The following GMDS variants were observed in gnomAD, a reference collection of about 807,000 sequenced individuals.
The protein encoded by GMDS is GDP-mannose 4,6-dehydratase.
In GMDS, 20 loss-of-function variants were observed where a neutral mutation model predicts 49.9. The ratio of observed to expected loss-of-function variants is 0.40; its 90% CI spans 0.28 to 0.58. The LOEUF is 0.58. GMDS is among the 20% of genes least tolerant of loss of function. The probability of loss-of-function intolerance (pLI) is 0.42; values close to 1 mark genes in which losing one functional copy is unlikely to be tolerated. For synonymous variants in GMDS, 177 were observed against 178.6 expected (o/e 0.99, Z 0.07); for missense variants, 362 against 481.4 (o/e 0.75, Z 2.32).
At chr6:1,687,042 A>G (rs138856804) in intron 9 of GMDS, among the ~76,000 whole-genome samples, 339 of 152,332 alleles carry the variant, frequency 2.2e-3, no homozygotes, top group Non-Finnish European at 4.0e-3. Context: ...TAAAATCACA[A>G]GTAGGACTGG....
chr6:1,946,150 A>G (rs1763066387), intron 6 of GMDS, among the ~76,000 whole-genome samples: 1 of 152,194 alleles, frequency 6.6e-6, no homozygotes, highest in African/African-American at 2.4e-5. Context: ...AGAAGCAACA[A>G]AAAGTCAAAC....
chr6:1,994,227 A>G (rs1766136963), intron 4 of GMDS, among the ~76,000 whole-genome samples: 1 of 152,166 alleles, frequency 6.6e-6, no homozygotes, highest in Non-Finnish European at 1.5e-5. Flanking sequence ...CATTTAGAAT[A>G]TTTTATCAAC....
chr6:2,189,494 C>G (rs2127567753), intron 1 of GMDS, among the ~76,000 whole-genome samples: 1 of 152,256 alleles, frequency 6.6e-6, no homozygotes, highest in Middle Eastern at 3.4e-3. Flanking sequence ...CTGTCCTCCC[C>G]CAAAAGTCCC....
chr6:1,938,613 G>C (rs1269028735), intron 6 of GMDS, among the ~76,000 whole-genome samples: 6 of 151,856 alleles, frequency 4.0e-5, no homozygotes, highest in Non-Finnish European at 8.8e-5. Flanking sequence ...TGTTTTCTTT[G>C]GTATTCTGGG....
intron 4 of GMDS, among the ~76,000 whole-genome samples, chr6:2,107,796 C>A (rs1188434711): frequency 6.6e-6 from 1 of 152,224 alleles, no homozygotes; most frequent in Non-Finnish European, 1.5e-5. Flanking sequence ...TTCTTCTAGA[C>A]ACAAAAGGCA....
rs533231228 is a variant in GMDS, at chr6:1,806,096, T to C, written c.772-63510A>G. On this transcript the variant is annotated intron_variant, in intron 7 of 10. Transcript: ENST00000380815. ...GAGTTTGAGTCCAGCCTGGGCAACA[T>C]AGTGAGACCCTGTCTCTAAAAAAGG... Among the ~76,000 whole-genome samples the C allele has an allele frequency of 2.6e-4, 40 of 152,096 alleles. 1 individual carries two copies. Among genetic ancestry groups the C allele is most frequent in the Admixed American group, 2.3e-3 (35 of 15,284 alleles).
intron 9 of GMDS, among the ~76,000 whole-genome samples, chr6:1,665,235 C>G (rs897600349): frequency 6.6e-6 from 1 of 152,214 alleles, no homozygotes; most frequent in Non-Finnish European, 1.5e-5. Flanking sequence ...TCTCCTAATG[C>G]TATCTCTCCC....
chr6:1,643,593 G>A (rs957478941), intron 9 of GMDS, among the ~76,000 whole-genome samples: 1 of 152,160 alleles, frequency 6.6e-6, no homozygotes, highest in African/African-American at 2.4e-5. Context: ...GACAGCGGAA[G>A]TTCAGAATCA....
rs146707312 is a variant in GMDS at position 2,033,921 on chromosome 6, G to C, written c.346-72955C>G. On this transcript the variant is annotated intron_variant, in intron 4 of 10. Transcript: ENST00000380815. The stretch of plus-strand genomic sequence containing the variant: ...TGGAATCAGATCCGAAGGAGACTGT[G>C]TACCAGTCCGGAGGCATATAAAAGA... Among the ~76,000 whole-genome samples the C allele has an allele frequency of 9.2e-5, 14 of 152,246 alleles. No homozygotes were observed. In the East Asian group the frequency reaches 2.3e-3, roughly 25 times the overall value.
intron 4 of GMDS, among the ~76,000 whole-genome samples, chr6:1,992,046 A>G (rs866826606): frequency 6.6e-6 from 1 of 152,358 alleles, no homozygotes; most frequent in Non-Finnish European, 1.5e-5. Context: ...CCCTGCTGAC[A>G]CCTTAGTTTT....
intron 10 of GMDS, 79 bp downstream of exon 10, chr6:1,624,393 C>T: frequency 1.4e-6 from 2 of 1,396,096 alleles, no homozygotes; most frequent in Non-Finnish European, 2.0e-6. Context: ...GCAGGCGCCT[C>T]AGGCGCCCGA....
At chr6:1,665,443 C>G (rs1300438699) in intron 9 of GMDS, among the ~76,000 whole-genome samples, 1 of 152,060 alleles carries the variant, frequency 6.6e-6, no homozygotes, top group Non-Finnish European at 1.5e-5. Flanking sequence ...AATGGGCCAG[C>G]CTAAGAATCG....
chr6:1,697,818 G>A (rs1046326208), intron 9 of GMDS, among the ~76,000 whole-genome samples: 1 of 152,178 alleles, frequency 6.6e-6, no homozygotes, highest in African/African-American at 2.4e-5. Context: ...GCAAGCTCAC[G>A]AGAGGAAGCT....
chr6:1,955,380 T>C (rs1165384884), intron 6 of GMDS, among the ~76,000 whole-genome samples: 1 of 152,236 alleles, frequency 6.6e-6, no homozygotes, highest in Non-Finnish European at 1.5e-5. Flanking sequence ...ACCTGGTTAA[T>C]GTCTGTGAAT....
At chr6:1,676,947 G>A (rs909734058) in intron 9 of GMDS, among the ~76,000 whole-genome samples, 3 of 152,116 alleles carry the variant, frequency 2.0e-5, no homozygotes, top group Non-Finnish European at 4.4e-5. Context: ...CTAATTAAAC[G>A]AAAGAGCTTC....
intron 9 of GMDS, among the ~76,000 whole-genome samples, chr6:1,713,623 CAT>C (rs990152544): frequency 4.0e-5 from 6 of 151,520 alleles, no homozygotes; most frequent in Admixed American, 2.0e-4. Context: ...CACACACACA[CAT>C]ACACGTACGT....
chr6:1,711,561 C>G (rs905601693), intron 9 of GMDS, among the ~76,000 whole-genome samples: 1 of 152,198 alleles, frequency 6.6e-6, no homozygotes, highest in Admixed American at 6.5e-5. Context: ...AATAAATGTA[C>G]AAACTCATTT....
chr6:1,819,899 A>G (rs2113700985), intron 7 of GMDS, among the ~76,000 whole-genome samples: 1 of 151,606 alleles, frequency 6.6e-6, no homozygotes, highest in East Asian at 1.9e-4. Flanking sequence ...AAATCATTAA[A>G]GAAAATAAAA....
Position 2,245,585 on chromosome 6 carries a change from C to G in GMDS, c.-163G>C. 2.5e-6 allele frequency: 1 copy of G among 399,876 alleles called. No homozygotes were observed. The highest frequency in any genetic ancestry group is 4.3e-6 in the Non-Finnish European group (1 of 230,212). 24.8% of individuals were successfully genotyped at this position (399,876 alleles called of 1,614,324 possible). A position where few individuals can be genotyped will look rare whatever the true frequency, so the allele number is the denominator to read the frequency against. On this transcript the variant is annotated 5_prime_UTR_variant, in exon 1 of 11. Transcript: ENST00000380815. ...CGGCCGCCACAGTCTGACAGGGGCG[C>G]ACGGGAGGCCGTGCAGGGAGGGCCG...
Sources: allele counts gnomAD v4.1 joint callset (sites outside exome capture counted in the v4.1 genomes callset), GRCh38; gene constraint gnomAD v4.1.1; transcripts MANE v1.5; gene names NCBI Gene and HGNC (gene_info 2026-07-23, HGNC 2026-07-21).